KIF16B: variants seen among roughly 807,000 people sequenced by gnomAD.
The protein encoded by KIF16B is kinesin family member 16B.
A neutral mutation model predicts 156.3 loss-of-function variants in KIF16B; 98 were observed. The ratio of observed to expected loss-of-function variants is 0.63; its 90% confidence interval spans 0.53 to 0.74. KIF16B has a LOEUF of 0.74. Among genes scored for constraint, KIF16B ranks in the 30% least tolerant of loss-of-function variants. The probability of loss-of-function intolerance (pLI) is 0.00; values close to 1 mark genes in which losing one functional copy is unlikely to be tolerated. For missense variants in KIF16B, 1,421 were observed against 1,606.5 expected, an observed-to-expected ratio of 0.88 and a Z score of 1.97; for synonymous variants, 564 against 583.7, an observed-to-expected ratio of 0.97 and a Z score of 0.49.
chr20:16,476,567 A>G (rs2067819308), intron 12 of KIF16B, among the ~76,000 whole-genome samples: 1 of 152,202 alleles, frequency 6.6e-6, no homozygotes, highest in Non-Finnish European at 1.5e-5. Context: ...CAAAATCTCT[A>G]AAGGAGAACA....
chr20:16,437,986 T>A (rs8125146), intron 12 of KIF16B, among the ~76,000 whole-genome samples: 3,702 of 99,274 alleles, frequency 0.037, 129 homozygotes, highest in African/African-American at 0.096. Flanking sequence ...TAAAAAAAAA[T>A]AATAAAAAAA....
chr20:16,289,613 G>GT (rs1168814342), intron 25 of KIF16B, among the ~76,000 whole-genome samples: 2 of 152,186 alleles, frequency 1.3e-5, no homozygotes, highest in Non-Finnish European at 2.9e-5. Flanking sequence ...CAGCACTTTG[G>GT]TAGGCCGAGG....
At chr20:16,500,901 C>T (rs2068602650) in intron 10 of KIF16B, among the ~76,000 whole-genome samples, 1 of 152,134 alleles carries the variant, frequency 6.6e-6, no homozygotes, top group Non-Finnish European at 1.5e-5. Context: ...TTGCTTCCCA[C>T]CTTTGGTTGT....
At position 16,529,838 on chromosome 20, in the gene KIF16B, C is replaced by G. The variant is rs573125897; in HGVS notation, c.48-1398G>C. Among the ~76,000 whole-genome samples, 3 of 152,266 alleles carry G rather than the reference C, an allele frequency of 2.0e-5. No homozygotes were observed. The East Asian group carries it at 5.8e-4, about 29-fold the overall frequency. On this transcript the variant is annotated intron_variant, in intron 1 of 25. Coordinates refer to ENST00000354981, the MANE Select transcript of KIF16B (RefSeq NM_024704.5). ...TGGTGGCGCATGCCTGTAATCCCAGCTACTCGGGAGGCTGAGGCAGGAGAA... is the reference window on the plus strand; with the variant it reads ...TGGTGGCGCATGCCTGTAATCCCAGGTACTCGGGAGGCTGAGGCAGGAGAA...
At chr20:16,529,005 T>C (rs2069650443) in intron 1 of KIF16B, among the ~76,000 whole-genome samples, 1 of 152,242 alleles carries the variant, frequency 6.6e-6, no homozygotes, top group Non-Finnish European at 1.5e-5. Flanking sequence ...CAATGGAGTG[T>C]GACGCCACTG....
In KIF16B at chr20:16,360,390, C is replaced by T. The variant is rs765313196; in HGVS notation, c.3499-3938G>A. On this transcript the variant is annotated intron_variant, in intron 22 of 25. Coordinates refer to ENST00000354981, the MANE Select transcript of KIF16B (RefSeq NM_024704.5). ...ATTATTTATGGGAGCTTTTATATTT[C>T]GATGGCATTATTTATTTTGGAATCC... Among the ~76,000 whole-genome samples the T allele has an allele frequency of 5.1e-4, 77 of 152,132 alleles. 1 individual carries two copies. Among genetic ancestry groups the T allele is most frequent in the Non-Finnish European group, 9.4e-4 (64 of 67,978 alleles).
chr20:16,414,616 AAATTATCCATCAAG>A (rs2066041018), intron 15 of KIF16B, among the ~76,000 whole-genome samples: 1 of 152,154 alleles, frequency 6.6e-6, no homozygotes, highest in Admixed American at 6.6e-5. Flanking sequence ...GTTTCCAGCC[AAATTATCCATCAAG>A]AATGATTTGC....
intron 3 of KIF16B, among the ~76,000 whole-genome samples, chr20:16,518,255 A>AC (rs766359644): frequency 2.0e-5 from 3 of 152,104 alleles, no homozygotes; most frequent in Admixed American, 6.5e-5. Context: ...AAATCGAGAT[A>AC]CCCCCATCAC....
At chr20:16,470,997 A>C (rs6043979) in intron 12 of KIF16B, among the ~76,000 whole-genome samples, 33,545 of 152,022 alleles carry the variant, frequency 0.22, 3,787 homozygotes, top group Admixed American at 0.26. Flanking sequence ...CATAGGAGAC[A>C]GGAAAAGAAG....
intron 23 of KIF16B, among the ~76,000 whole-genome samples, chr20:16,355,848 A>G (rs978809294): frequency 1.3e-5 from 2 of 152,236 alleles, no homozygotes; most frequent in African/African-American, 4.8e-5. Context: ...AATAGCAGCA[A>G]TAGCTACAAT....
intron 7 of KIF16B, among the ~76,000 whole-genome samples, chr20:16,507,694 C>G (rs1044029629): frequency 6.6e-6 from 1 of 152,104 alleles, no homozygotes; most frequent in Admixed American, 6.6e-5. Context: ...AAGCACAGAG[C>G]AAGTTGTTTT....
intron 11 of KIF16B, among the ~76,000 whole-genome samples, chr20:16,494,864 A>G (rs1263426913): frequency 6.6e-6 from 1 of 152,252 alleles, no homozygotes; most frequent in Non-Finnish European, 1.5e-5. Context: ...AAAAAAAGAA[A>G]AAAAGGTGGT....
chr20:16,521,898 A>G (rs2069365742), intron 3 of KIF16B, among the ~76,000 whole-genome samples: 1 of 152,234 alleles, frequency 6.6e-6, no homozygotes, highest in Non-Finnish European at 1.5e-5. Flanking sequence ...TTTTCAACCC[A>G]GAATTTCATA....
intron 12 of KIF16B, among the ~76,000 whole-genome samples, chr20:16,458,205 A>C (rs2067259468): frequency 6.6e-6 from 1 of 152,224 alleles, no homozygotes. Flanking sequence ...ATGCCACATA[A>C]ACAACTGCCC....
chr20:16,374,542 T>C lies in KIF16B; in HGVS notation c.3198-133A>G. 9 of 808,008 alleles carry C rather than the reference T, an allele frequency of 1.1e-5. 1 individual carries two copies. Among genetic ancestry groups the C allele is most frequent in the Admixed American group, 3.6e-5 (1 of 27,804 alleles). The allele number at this position is 808,008 out of a possible 1,614,324, so 50.1% of individuals were successfully genotyped here. On this transcript the variant is annotated intron_variant, in intron 19 of 25. Coordinates refer to ENST00000354981, the MANE Select transcript of KIF16B (RefSeq NM_024704.5). ...GTGTGCAAAGAACTTTACCTTCTAG[T>C]AGAAAAGGTGCCACATACCCATAAG...
intron 7 of KIF16B, among the ~76,000 whole-genome samples, chr20:16,506,691 T>A (rs1222381327): frequency 6.6e-6 from 1 of 150,872 alleles, no homozygotes; most frequent in African/African-American, 2.4e-5. Flanking sequence ...TTCTGAATTC[T>A]ACCAAAATTT....
intron 25 of KIF16B, among the ~76,000 whole-genome samples, chr20:16,282,353 A>T (rs2063159810): frequency 6.6e-6 from 1 of 152,100 alleles, no homozygotes; most frequent in Non-Finnish European, 1.5e-5. Flanking sequence ...TTCAACAGCT[A>T]ATACTACTCA....
intron 12 of KIF16B, among the ~76,000 whole-genome samples, chr20:16,430,458 C>T (rs1266683440): frequency 6.6e-6 from 1 of 152,100 alleles, no homozygotes; most frequent in Non-Finnish European, 1.5e-5. Context: ...CTTCTCCTAT[C>T]CACTGGATCA....
chr20:16,508,714 C>A (rs1171650775), intron 6 of KIF16B, among the ~76,000 whole-genome samples: 1 of 152,112 alleles, frequency 6.6e-6, no homozygotes, highest in African/African-American at 2.4e-5. Context: ...CAGTCTGCAG[C>A]CCGGGGGTTA....
Sources: gnomAD v4.1 joint callset for allele counts (sites outside exome capture counted in the v4.1 genomes callset) on GRCh38, gnomAD v4.1.1 for gene constraint, MANE v1.5 for transcripts, NCBI Gene and HGNC (gene_info 2026-07-23, HGNC 2026-07-21) for gene names.